Variants in GHR observed in about 807,000 individuals in gnomAD.
The protein encoded by GHR is growth hormone receptor, also known as GH receptor.
In GHR, 35 loss-of-function variants were observed where a neutral mutation model predicts 67.1. That is an observed-to-expected ratio of 0.52 (90% CI 0.40 to 0.69). The LOEUF (loss-of-function observed/expected upper bound fraction) is 0.69. Ranked by LOEUF, GHR falls within the 30% of genes least tolerant of loss-of-function variation. The pLI, the probability that GHR is intolerant of heterozygous loss-of-function variation, is 0.00. For missense variants in GHR, 792 were observed against 764.6 expected (o/e 1.04, Z -0.42); for synonymous variants, 272 against 269.1 (o/e 1.01, Z -0.10).
At chr5:42,479,671 G>C (rs1291831014) in intron 1 of GHR, among the ~76,000 whole-genome samples, 1 of 152,134 alleles carries the variant, frequency 6.6e-6, no homozygotes, top group East Asian at 1.9e-4. Flanking sequence ...GTTTATTTGC[G>C]TAAAGGTGTT....
chr5:42,497,843 AT>A (rs1448151181), intron 1 of GHR, among the ~76,000 whole-genome samples: 1 of 152,126 alleles, frequency 6.6e-6, no homozygotes, highest in African/African-American at 2.4e-5. Context: ...TTTACAGGTG[AT>A]TTGCATTTCT....
At chr5:42,559,560 A>T (rs1749490369) in intron 1 of GHR, among the ~76,000 whole-genome samples, 1 of 152,170 alleles carries the variant, frequency 6.6e-6, no homozygotes, top group South Asian at 2.1e-4. Flanking sequence ...CAAAAAGTAA[A>T]AATACAAATA....
chr5:42,696,302 G>A (rs186315434), intron 5 of GHR, among the ~76,000 whole-genome samples: 7 of 152,312 alleles, frequency 4.6e-5, no homozygotes, highest in African/African-American at 1.2e-4. Flanking sequence ...GCAGTGCAGC[G>A]TGATAGGTGT....
At chr5:42,681,265 G>A (rs1168103412) in intron 3 of GHR, among the ~76,000 whole-genome samples, 27 of 144,852 alleles carry the variant, frequency 1.9e-4, no homozygotes, top group East Asian at 4.0e-4. Context: ...AAATTTACAA[G>A]AAAAAAAAAA....
At chr5:42,480,664 T>G (rs916106043) in intron 1 of GHR, among the ~76,000 whole-genome samples, 19 of 152,218 alleles carry the variant, frequency 1.2e-4, no homozygotes, top group African/African-American at 4.3e-4. Context: ...TCTCATTTGA[T>G]CTTTGTTGGT....
At chr5:42,513,750 C>T (rs1032127773) in intron 1 of GHR, among the ~76,000 whole-genome samples, 2 of 151,888 alleles carry the variant, frequency 1.3e-5, no homozygotes, top group African/African-American at 4.8e-5. Context: ...CCATTGCACT[C>T]CAGTCTGGGC....
At chr5:42,656,301 C>T (rs1755252162) in intron 3 of GHR, among the ~76,000 whole-genome samples, 1 of 152,180 alleles carries the variant, frequency 6.6e-6, no homozygotes. Flanking sequence ...ATAAACAACA[C>T]ATATAAATAA....
At chr5:42,526,260 G>A (rs13178652) in intron 1 of GHR, among the ~76,000 whole-genome samples, 69,082 of 151,930 alleles carry the variant, frequency 0.45, 16,136 homozygotes, top group Middle Eastern at 0.52. Context: ...AATCAAACCA[G>A]CCACAACATT....
intron 3 of GHR, among the ~76,000 whole-genome samples, chr5:42,682,244 T>G (rs1756921148): frequency 6.6e-6 from 1 of 152,222 alleles, no homozygotes; most frequent in African/African-American, 2.4e-5. Context: ...GGGGCAAAGT[T>G]AGGCTCTCTT....
intron 1 of GHR, chr5:42,467,150 T>C: frequency 6.2e-7 from 1 of 1,600,262 alleles, no homozygotes; most frequent in Non-Finnish European, 8.6e-7. Context: ...AGATCTCCAC[T>C]GTGAATTCTC....
chr5:42,553,740 C>T (rs766298339), intron 1 of GHR, among the ~76,000 whole-genome samples: 1 of 152,208 alleles, frequency 6.6e-6, no homozygotes, highest in Non-Finnish European at 1.5e-5. Context: ...AGCATTCCAT[C>T]TACCCAGTCT....
chr5:42,655,733 G>A (rs925760719), intron 3 of GHR, among the ~76,000 whole-genome samples: 41 of 150,088 alleles, frequency 2.7e-4, no homozygotes, highest in African/African-American at 8.6e-4. Flanking sequence ...ACTGTCTACC[G>A]AAATGAGACA....
chr5:42,614,189 T>C (rs779235449), intron 2 of GHR, among the ~76,000 whole-genome samples: 5 of 152,078 alleles, frequency 3.3e-5, no homozygotes, highest in African/African-American at 4.8e-5. Flanking sequence ...CCATTGGAAG[T>C]CTATTTATTA....
At chr5:42,650,452 T>G (rs1350130834) in intron 3 of GHR, among the ~76,000 whole-genome samples, 11 of 151,982 alleles carry the variant, frequency 7.2e-5, no homozygotes, top group Non-Finnish European at 1.2e-4. Context: ...CATTTTCTTA[T>G]GTAGGTCATC....
chr5:42,475,361 C>T (rs1199715400), intron 1 of GHR, among the ~76,000 whole-genome samples: 1 of 151,964 alleles, frequency 6.6e-6, no homozygotes, highest in Non-Finnish European at 1.5e-5. Flanking sequence ...GGAGTTGAAG[C>T]CTGAGGGTCC....
chr5:42,441,759 T>A (rs534512012), intron 1 of GHR, among the ~76,000 whole-genome samples: 1 of 152,294 alleles, frequency 6.6e-6, no homozygotes, highest in Admixed American at 6.5e-5. Context: ...TTCGCCTGCC[T>A]TGGCCTCCCA....
chr5:42,465,314 TGCATGAAAATAAATCTTTA>T, intron 1 of GHR: 2 of 707,844 alleles, frequency 2.8e-6, no homozygotes, highest in Non-Finnish European at 5.0e-6. Context: ...ATTTTTTTTT[TGCATGAAAATAAATCTTTA>T]TTTTCAGTTA....
intron 1 of GHR, among the ~76,000 whole-genome samples, chr5:42,455,015 G>C (rs564705382): frequency 6.6e-6 from 1 of 152,206 alleles, no homozygotes; most frequent in African/African-American, 2.4e-5. Context: ...GATATAGTCA[G>C]GCATGGCTTC....
intron 1 of GHR, among the ~76,000 whole-genome samples, chr5:42,506,158 T>C (rs1484193989): frequency 6.6e-6 from 1 of 152,240 alleles, no homozygotes; most frequent in Non-Finnish European, 1.5e-5. Context: ...CTTGTCTTGT[T>C]TCCTAGATCC....
Sources: allele counts gnomAD v4.1 joint callset (sites outside exome capture counted in the v4.1 genomes callset), GRCh38; gene constraint gnomAD v4.1.1; transcripts MANE v1.5; gene names NCBI Gene and HGNC (gene_info 2026-07-23, HGNC 2026-07-21).